The following CNTN1 variants were observed in gnomAD, a reference collection of about 807,000 sequenced individuals.
The protein encoded by CNTN1 is contactin 1.
A neutral mutation model predicts 126.4 loss-of-function variants in CNTN1; 38 were observed. The observed-to-expected ratio is 0.30, with a 90% CI of 0.23 to 0.39. CNTN1 has a LOEUF of 0.39. Ranked by LOEUF, CNTN1 falls within the 10% of genes least tolerant of loss-of-function variation. CNTN1 has a pLI of 1.00. For missense variants in CNTN1, 1,009 were observed against 1,248.4 expected, an observed-to-expected ratio of 0.81 and a Z score of 2.89; for synonymous variants, 413 against 422.6, an observed-to-expected ratio of 0.98 and a Z score of 0.28.
At chr12:40,921,592 T>C (rs1392763558) in intron 4 of CNTN1, among the ~76,000 whole-genome samples, 1 of 152,218 alleles carries the variant, frequency 6.6e-6, no homozygotes, top group Non-Finnish European at 1.5e-5. Context: ...GAATTGTTCC[T>C]CTTTTTCACT....
At position 40,996,360 on chromosome 12, in the gene CNTN1, G is replaced by A. The variant is rs529991972; in HGVS notation, c.2113+3091G>A. On this transcript the variant is annotated intron_variant, in intron 17 of 23. Transcript: ENST00000551295. Reference sequence around the variant, plus strand: ...GTTGCCCAGCTGATCTTGAACTCCTGGGCTGATGCAATCCACCCACCTTGG... The same window carrying A: ...GTTGCCCAGCTGATCTTGAACTCCTAGGCTGATGCAATCCACCCACCTTGG... Among the ~76,000 whole-genome samples the A allele has an allele frequency of 3.2e-4, 49 of 152,140 alleles. No individual in the cohort carries two copies. In the South Asian group the frequency reaches 9.5e-3, roughly 30 times the overall value.
chr12:40,791,986 A>G (rs756430706), intron 1 of CNTN1, among the ~76,000 whole-genome samples: 7 of 152,146 alleles, frequency 4.6e-5, no homozygotes, highest in African/African-American at 9.6e-5. Context: ...AAAGAACACA[A>G]TGTTGTTCTA....
intron 1 of CNTN1, among the ~76,000 whole-genome samples, chr12:40,785,319 C>T (rs1187527076): frequency 6.6e-6 from 1 of 151,988 alleles, no homozygotes. Flanking sequence ...GGTGAGGCCT[C>T]AGGGAGCTTT....
At chr12:40,886,920 G>C (rs1944054602) in intron 1 of CNTN1, among the ~76,000 whole-genome samples, 1 of 152,104 alleles carries the variant, frequency 6.6e-6, no homozygotes, top group African/African-American at 2.4e-5. Context: ...CTGTTCCATT[G>C]ATCTATATCT....
intron 1 of CNTN1, among the ~76,000 whole-genome samples, chr12:40,720,006 T>C (rs1047364972): frequency 2.2e-5 from 3 of 137,722 alleles, no homozygotes; most frequent in African/African-American, 9.2e-5. Context: ...CCGGTTAATT[T>C]TTTTTTTTTT....
intron 1 of CNTN1, among the ~76,000 whole-genome samples, chr12:40,884,035 T>A (rs1048806366): frequency 2.0e-5 from 3 of 151,508 alleles, no homozygotes; most frequent in Non-Finnish European, 4.4e-5. Context: ...AGAGAAATAA[T>A]CATGCTTTGG....
intron 1 of CNTN1, among the ~76,000 whole-genome samples, chr12:40,723,800 T>A (rs1343655244): frequency 6.6e-6 from 1 of 152,184 alleles, no homozygotes; most frequent in East Asian, 1.9e-4. Flanking sequence ...AAGGAACTAC[T>A]GATGTGACCA....
At chr12:40,787,548 A>G (rs1185541272) in intron 1 of CNTN1, among the ~76,000 whole-genome samples, 1 of 152,092 alleles carries the variant, frequency 6.6e-6, no homozygotes, top group Non-Finnish European at 1.5e-5. Flanking sequence ...TTGTTGCTTT[A>G]TTTTTCTGAG....
At chr12:40,726,533 A>G (rs1942355240) in intron 1 of CNTN1, among the ~76,000 whole-genome samples, 1 of 152,104 alleles carries the variant, frequency 6.6e-6, no homozygotes. Flanking sequence ...CCTGAGACTC[A>G]CTCACTATCC....
chr12:40,803,674 C>T (rs2136488690), intron 1 of CNTN1, among the ~76,000 whole-genome samples: 1 of 151,820 alleles, frequency 6.6e-6, no homozygotes, highest in South Asian at 2.1e-4. Flanking sequence ...TTTGGCTAGA[C>T]ATATAAGTTT....
chr12:40,776,653 T>G (rs73112631), intron 1 of CNTN1, among the ~76,000 whole-genome samples: 3,031 of 151,814 alleles, frequency 0.02, 91 homozygotes, highest in African/African-American at 0.068. Flanking sequence ...CTTCTAAGTT[T>G]TAGACTTAAG....
rs553796224 is a variant in CNTN1 at position 40,727,981 on chromosome 12, G to A, written c.-77+35389G>A. Reference sequence around the variant, plus strand: ...TCAGGCAGAGCAGCAGGGCTTGGCTGGTGTGTCATGCCCAGAGTAAAGCAG... The same window carrying A: ...TCAGGCAGAGCAGCAGGGCTTGGCTAGTGTGTCATGCCCAGAGTAAAGCAG... On this transcript the variant is annotated intron_variant, in intron 1 of 23. Coordinates refer to ENST00000551295, the MANE Select transcript of CNTN1 (RefSeq NM_001843.4). Among the ~76,000 whole-genome samples, 4 of 152,294 alleles carry A rather than the reference G, an allele frequency of 2.6e-5. No individual in the cohort carries two copies. The East Asian group carries it at 7.7e-4, about 29-fold the overall frequency.
intron 3 of CNTN1, among the ~76,000 whole-genome samples, chr12:40,910,736 A>G (rs575272810): frequency 4.6e-5 from 7 of 152,348 alleles, no homozygotes; most frequent in Non-Finnish European, 8.8e-5. Flanking sequence ...ACTTTCCAAT[A>G]TGTAAAAATC....
intron 15 of CNTN1, among the ~76,000 whole-genome samples, chr12:40,966,630 AATT>A (rs1465799853): frequency 6.6e-6 from 1 of 152,210 alleles, no homozygotes; most frequent in Non-Finnish European, 1.5e-5. Context: ...TTACTTCTGG[AATT>A]TTAAAGTACA....
chr12:40,721,764 A>G (rs981082312), intron 1 of CNTN1, among the ~76,000 whole-genome samples: 9 of 136,970 alleles, frequency 6.6e-5, no homozygotes, highest in Non-Finnish European at 1.1e-4. Context: ...ATGTGTTTTC[A>G]TTGTTCAATT....
chr12:40,799,952 T>A lies in CNTN1; in HGVS notation c.-77+107360T>A, dbSNP rs568107175. 2.6e-5 allele frequency among the ~76,000 whole-genome samples: 4 copies of A among 152,144 alleles called. 1 individual carries two copies. Among genetic ancestry groups the A allele is most frequent in the African/African-American group, 9.6e-5 (4 of 41,542 alleles). On this transcript the variant is annotated intron_variant, in intron 1 of 23. Coordinates refer to ENST00000551295, the MANE Select transcript of CNTN1 (RefSeq NM_001843.4). ...AATAACTAAGCGTACAATATGACAT[T>A]AAAGTCCAAAGTGTGAGAAATGAAA... is the stretch of plus-strand genomic sequence containing the variant.
At chr12:40,888,046 G>A (rs943938580) in intron 1 of CNTN1, among the ~76,000 whole-genome samples, 52 of 150,614 alleles carry the variant, frequency 3.5e-4, no homozygotes, top group Non-Finnish European at 6.5e-4. Context: ...GATAGCATTA[G>A]GAGATATACC....
intron 1 of CNTN1, among the ~76,000 whole-genome samples, chr12:40,773,676 C>CATAT (rs1320206131): frequency 0.01 from 119 of 11,458 alleles, 2 homozygotes; most frequent in African/African-American, 0.019. Context: ...TATATATACA[C>CATAT]ATATATATAT....
At chr12:40,698,228 A>ATTT (rs35570862) in intron 1 of CNTN1, among the ~76,000 whole-genome samples, 4,427 of 69,852 alleles carry the variant, frequency 0.063, 316 homozygotes, top group Non-Finnish European at 0.083. Flanking sequence ...CAGCCACTTA[A>ATTT]TTTTTTTTTT....
Sources: gnomAD v4.1 joint callset for allele counts (sites outside exome capture counted in the v4.1 genomes callset) on GRCh38, gnomAD v4.1.1 for gene constraint, MANE v1.5 for transcripts, NCBI Gene and HGNC (gene_info 2026-07-23, HGNC 2026-07-21) for gene names.